CHRM3: variants seen among roughly 807,000 people sequenced by gnomAD.
CHRM3 encodes the protein cholinergic receptor muscarinic 3.
Under a neutral mutation model 41.8 loss-of-function variants are expected in CHRM3, and 11 were observed. That is an observed-to-expected ratio of 0.26 (90% CI 0.17 to 0.44). The LOEUF (loss-of-function observed/expected upper bound fraction) is 0.44, where lower values mean the gene tolerates loss of function less well. CHRM3 is among the 20% of genes least tolerant of loss of function. The pLI is 1.00. For synonymous variants in CHRM3, 297 were observed against 301.4 expected, an observed-to-expected ratio of 0.99 and a Z score of 0.15; for missense variants, 571 against 745.4, an observed-to-expected ratio of 0.77 and a Z score of 2.72.
intron 1 of CHRM3, among the ~76,000 whole-genome samples, chr1:239,463,806 C>T (rs899172293): frequency 6.6e-6 from 1 of 152,134 alleles, no homozygotes; most frequent in African/African-American, 2.4e-5. Context: ...TCTTGCTTAA[C>T]TGAAACCTCA....
intron 1 of CHRM3, among the ~76,000 whole-genome samples, chr1:239,404,403 AGAAAGAAAAAGAAAGAAAGAAAGAAAG>A (rs1473379702): frequency 8.6e-5 from 5 of 57,924 alleles, no homozygotes; most frequent in African/African-American, 3.7e-4. Flanking sequence ...AAAGAAAGAA[AGAAAGAAAAAGAAAGAAAGAAAGAAAG>A]AAAGAAAGAA....
At chr1:239,885,204 C>G (rs540522564) in intron 6 of CHRM3, among the ~76,000 whole-genome samples, 1 of 152,308 alleles carries the variant, frequency 6.6e-6, no homozygotes, top group Non-Finnish European at 1.5e-5. Context: ...ATTCTGCAAG[C>G]AGATGATATG....
At chr1:239,795,488 T>C (rs1669694177) in intron 5 of CHRM3, among the ~76,000 whole-genome samples, 1 of 152,200 alleles carries the variant, frequency 6.6e-6, no homozygotes, top group Non-Finnish European at 1.5e-5. Flanking sequence ...TTTCTGATTA[T>C]CTTTTGTGAA....
intron 5 of CHRM3, among the ~76,000 whole-genome samples, chr1:239,734,815 T>A (rs1409658672): frequency 6.6e-6 from 1 of 152,092 alleles, no homozygotes; most frequent in Non-Finnish European, 1.5e-5. Context: ...CAACCCAAGA[T>A]GGAGAGAAGT....
At chr1:239,601,527 T>C (rs1179750870) in intron 3 of CHRM3, among the ~76,000 whole-genome samples, 2 of 151,980 alleles carry the variant, frequency 1.3e-5, no homozygotes, top group East Asian at 3.9e-4. Context: ...ATTAGAGTTT[T>C]ATAGTCTTAA....
At chr1:239,664,322 G>C (rs1201950757) in intron 4 of CHRM3, among the ~76,000 whole-genome samples, 1 of 152,186 alleles carries the variant, frequency 6.6e-6, no homozygotes, top group Non-Finnish European at 1.5e-5. Context: ...CCAATTCAAT[G>C]ATCCAACAGT....
intron 1 of CHRM3, among the ~76,000 whole-genome samples, chr1:239,403,982 A>G (rs1470631072): frequency 7.7e-6 from 1 of 129,076 alleles, no homozygotes; most frequent in Non-Finnish European, 1.7e-5. Flanking sequence ...AGGGGGAGAG[A>G]GAGAGAGAGA....
At chr1:239,586,029 A>G (rs77409111) in intron 3 of CHRM3, among the ~76,000 whole-genome samples, 1 of 152,286 alleles carries the variant, frequency 6.6e-6, no homozygotes, top group Non-Finnish European at 1.5e-5. Flanking sequence ...GGTTTAAGGT[A>G]TTGGAAATCC....
intron 6 of CHRM3, among the ~76,000 whole-genome samples, chr1:239,879,539 G>A (rs1480074063): frequency 6.6e-6 from 1 of 152,148 alleles, no homozygotes; most frequent in East Asian, 1.9e-4. Flanking sequence ...AAATTCCCCA[G>A]GCAAGGAAGC....
At chr1:239,501,627 G>A (rs1400648924) in intron 2 of CHRM3, among the ~76,000 whole-genome samples, 1 of 152,058 alleles carries the variant, frequency 6.6e-6, no homozygotes, top group Admixed American at 6.5e-5. Flanking sequence ...AGGCTGAGGT[G>A]GGCAGATCAC....
intron 1 of CHRM3, among the ~76,000 whole-genome samples, chr1:239,470,615 C>G (rs929724064): frequency 2.0e-5 from 3 of 152,294 alleles, no homozygotes; most frequent in Admixed American, 1.3e-4. Context: ...TTTCCCCTGC[C>G]TTCTTCCTCG....
chr1:239,458,493 A>G (rs1202920003), intron 1 of CHRM3, among the ~76,000 whole-genome samples: 1 of 152,318 alleles, frequency 6.6e-6, no homozygotes, highest in East Asian at 1.9e-4. Context: ...CCAAAATGGA[A>G]GTCCCTACTA....
At chr1:239,887,861 T>G (rs1370076079) in intron 6 of CHRM3, among the ~76,000 whole-genome samples, 1 of 152,242 alleles carries the variant, frequency 6.6e-6, no homozygotes, top group Non-Finnish European at 1.5e-5. Flanking sequence ...GTGTTTTATA[T>G]TCATAATTTT....
intron 6 of CHRM3, chr1:239,898,235 C>G (rs1481660234): frequency 6.6e-6 from 1 of 152,228 alleles, no homozygotes; most frequent in Non-Finnish European, 1.5e-5. Context: ...CATGACTGAG[C>G]TAAGCTGAAG....
At chr1:239,616,544 C>T (rs993243152) in intron 3 of CHRM3, among the ~76,000 whole-genome samples, 1 of 152,086 alleles carries the variant, frequency 6.6e-6, no homozygotes, top group African/African-American at 2.4e-5. Flanking sequence ...TCACTCAGGA[C>T]ATTTGATCAT....
chr1:239,437,526 T>G (rs1272610290), intron 1 of CHRM3, among the ~76,000 whole-genome samples: 1 of 152,122 alleles, frequency 6.6e-6, no homozygotes, highest in East Asian at 1.9e-4. Context: ...TGGAAAGCCT[T>G]TCTTTTTATT....
chr1:239,390,024 T>C (rs1458402952), intron 1 of CHRM3, among the ~76,000 whole-genome samples: 2 of 152,218 alleles, frequency 1.3e-5, no homozygotes, highest in African/African-American at 4.8e-5. Context: ...TTATATCATA[T>C]GATGACTAAT....
At chr1:239,765,607 A>T (rs1667137445) in intron 5 of CHRM3, among the ~76,000 whole-genome samples, 1 of 152,044 alleles carries the variant, frequency 6.6e-6, no homozygotes, top group African/African-American at 2.4e-5. Context: ...AAACCTACTT[A>T]TTTCCTTACA....
At chr1:239,775,136 T>TA (rs950528267) in intron 5 of CHRM3, among the ~76,000 whole-genome samples, 3 of 151,732 alleles carry the variant, frequency 2.0e-5, no homozygotes, top group Admixed American at 1.3e-4. Context: ...GGATCATGGC[T>TA]AAAAAAAAAA....
Sources: allele counts gnomAD v4.1 joint callset (sites outside exome capture counted in the v4.1 genomes callset), GRCh38; gene constraint gnomAD v4.1.1; transcripts MANE v1.5; gene names NCBI Gene and HGNC (gene_info 2026-07-23, HGNC 2026-07-21).